RHBDD1: variants seen among roughly 807,000 people sequenced by gnomAD.
The protein encoded by RHBDD1 is rhomboid domain containing 1, also known as rhomboid-related protein 4.
In RHBDD1, 38 loss-of-function variants were observed where a neutral mutation model predicts 36.3. The ratio of observed to expected loss-of-function variants is 1.05; its 90% confidence interval spans 0.81 to 1.37. The LOEUF (loss-of-function observed/expected upper bound fraction) is 1.37. Ranked by LOEUF, RHBDD1 falls within the 40% of genes most tolerant of loss-of-function variation. RHBDD1 has a pLI of 0.00. For missense variants in RHBDD1, 393 were observed against 377.6 expected (o/e 1.04, Z -0.34); for synonymous variants, 151 against 136.5 (o/e 1.11, Z -0.74).
At chr2:226,805,188 C>G in the RHBDD1 span, 12 of 151,904 alleles carry the variant, frequency 7.9e-5, no homozygotes, top group African/African-American at 2.4e-4. Context: ...AGAGAAAGAA[C>G]CCCCAGCTGT....
chr2:226,912,664 A>G (rs1174630342), intron 7 of RHBDD1, among the ~76,000 whole-genome samples: 1 of 152,174 alleles, frequency 6.6e-6, no homozygotes, highest in East Asian at 1.9e-4. Flanking sequence ...TATTCTGTAG[A>G]GACAGAAAGT....
chr2:226,932,621 T>G (rs1575148071), intron 8 of RHBDD1, among the ~76,000 whole-genome samples: 1 of 152,156 alleles, frequency 6.6e-6, no homozygotes, highest in South Asian at 2.1e-4. Flanking sequence ...TCCACTCCCT[T>G]GTCCCTCTCC....
intron 8 of RHBDD1, among the ~76,000 whole-genome samples, chr2:226,983,049 T>A (rs1956135165): frequency 6.6e-6 from 1 of 152,248 alleles, no homozygotes; most frequent in African/African-American, 2.4e-5. Context: ...AACCTACTTG[T>A]ACTAAACCAA....
At chr2:226,927,409 G>C (rs1396996026) in intron 8 of RHBDD1, among the ~76,000 whole-genome samples, 1 of 150,586 alleles carries the variant, frequency 6.6e-6, no homozygotes, top group African/African-American at 2.4e-5. Flanking sequence ...TTCCAGGTTT[G>C]ACATTTATGA....
chr2:226,895,664 T>C, intron 5 of RHBDD1: 5 of 985,342 alleles, frequency 5.1e-6, no homozygotes, highest in Non-Finnish European at 6.0e-6. Flanking sequence ...CATTTTGTTC[T>C]GAAGATTTGA....
intron 7 of RHBDD1, among the ~76,000 whole-genome samples, chr2:226,912,672 A>G (rs1465592916): frequency 6.6e-6 from 1 of 152,144 alleles, no homozygotes; most frequent in Admixed American, 6.6e-5. Context: ...AGAGACAGAA[A>G]GTAGATTAGT....
intron 8 of RHBDD1, among the ~76,000 whole-genome samples, chr2:226,951,209 A>G (rs765176776): frequency 1.2e-4 from 18 of 152,220 alleles, no homozygotes; most frequent in African/African-American, 2.9e-4. Flanking sequence ...GCTTCCGTTT[A>G]ACTACATCAC....
chr2:226,907,306 T>G (rs561639481), intron 6 of RHBDD1, among the ~76,000 whole-genome samples: 242 of 152,302 alleles, frequency 1.6e-3, no homozygotes, highest in African/African-American at 5.6e-3. Context: ...TTTAAAGAAT[T>G]CAGACTGATG....
chr2:226,975,092 T>A (rs1954323977), intron 8 of RHBDD1, among the ~76,000 whole-genome samples: 1 of 152,210 alleles, frequency 6.6e-6, no homozygotes, highest in Admixed American at 6.5e-5. Flanking sequence ...TTCCATTTAG[T>A]TGGCAGTTCC....
chr2:226,909,068 TAGGGAAGGCC>T (rs1948308460), intron 7 of RHBDD1, among the ~76,000 whole-genome samples, 190 bp downstream of exon 7: 1 of 152,072 alleles, frequency 6.6e-6, no homozygotes, highest in Non-Finnish European at 1.5e-5. Context: ...TGGGGGTTGG[TAGGGAAGGCC>T]AGGGAAGGAG....
At chr2:226,838,578 T>G (rs966006839) in intron 2 of RHBDD1, among the ~76,000 whole-genome samples, 6 of 152,210 alleles carry the variant, frequency 3.9e-5, no homozygotes, top group African/African-American at 1.4e-4. Context: ...TCCACCTTGT[T>G]TTAGGCACAG....
chr2:226,838,377 TC>T (rs2124922454), intron 2 of RHBDD1, among the ~76,000 whole-genome samples: 1 of 152,346 alleles, frequency 6.6e-6, no homozygotes, highest in African/African-American at 2.4e-5. Context: ...TTTGTTCTCC[TC>T]ATCGGAGAGG....
At chr2:226,963,902 C>T (rs1952423004) in intron 8 of RHBDD1, among the ~76,000 whole-genome samples, 1 of 152,152 alleles carries the variant, frequency 6.6e-6, no homozygotes, top group Non-Finnish European at 1.5e-5. Flanking sequence ...TCACCACCCC[C>T]TACTTAACTC....
chr2:226,886,589 CA>C (rs776762444), intron 5 of RHBDD1, among the ~76,000 whole-genome samples: 6 of 152,166 alleles, frequency 3.9e-5, no homozygotes, highest in Non-Finnish European at 1.5e-5. Flanking sequence ...GATTAGGCTA[CA>C]AAGGCAACTT....
At chr2:226,894,415 C>A (rs1008508886) in intron 5 of RHBDD1, among the ~76,000 whole-genome samples, 2 of 151,980 alleles carry the variant, frequency 1.3e-5, no homozygotes, top group Admixed American at 6.6e-5. Flanking sequence ...GATTTACAGG[C>A]GTGCACCACC....
Position 226,933,037 on chromosome 2 carries a change from G to C in RHBDD1, c.856+18686G>C, listed in dbSNP as rs566783468. On this transcript the variant is annotated intron_variant, in intron 8 of 8. Transcript: ENST00000392062. ...GAGAAGCAGGCACGTTCTTCGCAGG[G>C]TGGCAGGACAGAGTAAGTGCAAGCA... Among the ~76,000 whole-genome samples the C allele has an allele frequency of 3.0e-4, 45 of 152,226 alleles. 3 individuals are homozygous for C. In the Middle Eastern group the frequency reaches 0.024, roughly 81 times the overall value.
At chr2:226,898,659 TAAG>T (rs1160748960) in intron 5 of RHBDD1, among the ~76,000 whole-genome samples, 3 of 152,320 alleles carry the variant, frequency 2.0e-5, no homozygotes, top group Admixed American at 6.5e-5. Flanking sequence ...CAGTTTCTGT[TAAG>T]AAGAAGCAAT....
chr2:226,843,754 A>G (rs545875510), intron 3 of RHBDD1, among the ~76,000 whole-genome samples: 79 of 152,222 alleles, frequency 5.2e-4, no homozygotes, highest in African/African-American at 1.8e-3. Flanking sequence ...ATCTCTTGCC[A>G]GGTTTTGGTA....
At chr2:226,976,493 G>A (rs1466627974) in intron 8 of RHBDD1, among the ~76,000 whole-genome samples, 1 of 151,988 alleles carries the variant, frequency 6.6e-6, no homozygotes, top group Non-Finnish European at 1.5e-5. Flanking sequence ...ACCCTCCCCT[G>A]CCTTTTCCTC....
Sources: allele counts gnomAD v4.1 joint callset (sites outside exome capture counted in the v4.1 genomes callset), GRCh38; gene constraint gnomAD v4.1.1; transcripts MANE v1.5; gene names NCBI Gene and HGNC (gene_info 2026-07-23, HGNC 2026-07-21).